CSMD3: variants seen among roughly 807,000 people sequenced by gnomAD.
CSMD3 encodes the protein CUB and sushi domain-containing protein 3.
In CSMD3, 177 loss-of-function variants were observed where a neutral mutation model predicts 435.2. The observed-to-expected ratio is 0.41, with a 90% CI of 0.36 to 0.46. The LOEUF is 0.46. Among genes scored for constraint, CSMD3 ranks in the 20% least tolerant of loss-of-function variants. The pLI is 0.34. For synonymous variants in CSMD3, 1,656 were observed against 1,520.5 expected (o/e 1.09, Z -2.07); for missense variants, 4,265 against 4,504.6 (o/e 0.95, Z 1.52).
chr8:112,547,229 T>G (rs1023283394), intron 27 of CSMD3, among the ~76,000 whole-genome samples: 1 of 152,120 alleles, frequency 6.6e-6, no homozygotes, highest in South Asian at 2.1e-4. Flanking sequence ...TAAGTTTGGA[T>G]AGTAAATTAT....
At chr8:113,307,374 C>T (rs2093829822) in intron 2 of CSMD3, among the ~76,000 whole-genome samples, 1 of 152,112 alleles carries the variant, frequency 6.6e-6, no homozygotes, top group African/African-American at 2.4e-5. Flanking sequence ...TGAACTTAGA[C>T]TCCTTCACAT....
chr8:112,653,157 T>TGG (rs1427314621), intron 18 of CSMD3, among the ~76,000 whole-genome samples: 1 of 152,222 alleles, frequency 6.6e-6, no homozygotes, highest in Non-Finnish European at 1.5e-5. Context: ...TACATAATTT[T>TGG]CAGAAGTTCA....
intron 3 of CSMD3, among the ~76,000 whole-genome samples, chr8:113,215,729 T>C (rs116672718): frequency 6.6e-6 from 1 of 151,976 alleles, no homozygotes; most frequent in African/African-American, 2.4e-5. Flanking sequence ...TATATGCACT[T>C]TTCTCTTCTG....
In CSMD3 at chr8:112,712,959, T is replaced by C. The variant is rs1362726885; in HGVS notation, c.1973-22909A>G. Among the ~76,000 whole-genome samples, 8 of 152,246 alleles carry C rather than the reference T, an allele frequency of 5.3e-5. No homozygotes were observed. The South Asian group carries it at 8.3e-4, about 16-fold the overall frequency. On this transcript the variant is annotated intron_variant, in intron 13 of 70. Coordinates refer to ENST00000297405, the MANE Select transcript of CSMD3 (RefSeq NM_198123.2). ...TAGATTCTAAGGGGCAGGGCCAAGA[T>C]GGCTTACTAGAAGAAGCAGCGATTG...
intron 1 of CSMD3, among the ~76,000 whole-genome samples, chr8:113,402,711 G>T (rs960027492): frequency 2.6e-5 from 4 of 151,136 alleles, no homozygotes; most frequent in African/African-American, 9.7e-5. Flanking sequence ...ACTCTGAAAA[G>T]CTTTGACATC....
intron 3 of CSMD3, among the ~76,000 whole-genome samples, chr8:113,207,385 CTT>C (rs72308827): frequency 3.7e-4 from 51 of 139,288 alleles, no homozygotes; most frequent in East Asian, 8.3e-4. Flanking sequence ...AATTATTTTT[CTT>C]TTTTTTTTTT....
chr8:112,983,723 A>G (rs1345587148), intron 6 of CSMD3, among the ~76,000 whole-genome samples: 1 of 151,748 alleles, frequency 6.6e-6, no homozygotes, highest in African/African-American at 2.4e-5. Context: ...ATTTATCATA[A>G]GTTGATATCT....
At chr8:112,492,151 C>T (rs537884607) in intron 31 of CSMD3, among the ~76,000 whole-genome samples, 1 of 151,822 alleles carries the variant, frequency 6.6e-6, no homozygotes, top group East Asian at 1.9e-4. Flanking sequence ...GTGTTTGTTC[C>T]TCATGTACTC....
chr8:112,337,955 G>T (rs1334582534), intron 42 of CSMD3, among the ~76,000 whole-genome samples: 3 of 152,004 alleles, frequency 2.0e-5, no homozygotes, highest in African/African-American at 7.2e-5. Context: ...TAATAAAAAC[G>T]CATGCTTTCT....
chr8:112,414,741 T>C (rs1048572500), intron 32 of CSMD3, among the ~76,000 whole-genome samples: 8 of 152,120 alleles, frequency 5.3e-5, no homozygotes, highest in Non-Finnish European at 2.9e-5. Context: ...TTGACCAAAA[T>C]GCTGATAGTG....
At chr8:113,290,714 T>C (rs1234468354) in intron 2 of CSMD3, among the ~76,000 whole-genome samples, 1 of 151,690 alleles carries the variant, frequency 6.6e-6, no homozygotes, top group Non-Finnish European at 1.5e-5. Context: ...GTACATGTGG[T>C]CATTTACCTA....
intron 2 of CSMD3, chr8:113,309,866 T>G (rs1340872353): frequency 6.6e-6 from 1 of 152,240 alleles, no homozygotes; most frequent in Non-Finnish European, 1.5e-5. Flanking sequence ...TAGAATACTG[T>G]TGACCAAGGG....
chr8:113,175,933 A>G (rs2092340540), intron 3 of CSMD3, among the ~76,000 whole-genome samples: 1 of 152,170 alleles, frequency 6.6e-6, no homozygotes, highest in African/African-American at 2.4e-5. Context: ...ATAAAATGAA[A>G]GAGAAGAAAG....
intron 49 of CSMD3, among the ~76,000 whole-genome samples, chr8:112,312,788 T>C (rs554806262): frequency 1.3e-5 from 2 of 152,290 alleles, no homozygotes; most frequent in African/African-American, 2.4e-5. Flanking sequence ...TTATATGTAG[T>C]TGTAAATTTG....
chr8:113,204,047 T>G (rs1182100996), intron 3 of CSMD3, among the ~76,000 whole-genome samples: 1 of 152,142 alleles, frequency 6.6e-6, no homozygotes, highest in Non-Finnish European at 1.5e-5. Flanking sequence ...TTTTTTCACT[T>G]GCATAATTTT....
At chr8:112,766,767 G>A (rs943232239) in intron 13 of CSMD3, among the ~76,000 whole-genome samples, 1 of 151,830 alleles carries the variant, frequency 6.6e-6, no homozygotes, top group Non-Finnish European at 1.5e-5. Flanking sequence ...AGAAGCAGCA[G>A]CAGAGAAACA....
intron 4 of CSMD3, among the ~76,000 whole-genome samples, chr8:113,101,846 T>C (rs1340151594): frequency 1.3e-5 from 2 of 152,072 alleles, no homozygotes; most frequent in Non-Finnish European, 2.9e-5. Flanking sequence ...TAAACTTTTC[T>C]TCAGTAAATG....
intron 58 of CSMD3, 26 bp downstream of exon 58, chr8:112,287,036 AAT>A (rs761758026): frequency 7.0e-6 from 11 of 1,580,940 alleles, no homozygotes; most frequent in Non-Finnish European, 9.6e-6. Flanking sequence ...CAGTAGTTGC[AAT>A]ATATTTAATT....
chr8:112,313,113 C>T (rs549708402), intron 49 of CSMD3, among the ~76,000 whole-genome samples: 4 of 152,220 alleles, frequency 2.6e-5, no homozygotes, highest in South Asian at 4.1e-4. Context: ...GGAACATAAC[C>T]TTCACATAAT....
Sources: allele counts gnomAD v4.1 joint callset (sites outside exome capture counted in the v4.1 genomes callset), GRCh38; gene constraint gnomAD v4.1.1; transcripts MANE v1.5; gene names NCBI Gene and HGNC (gene_info 2026-07-23, HGNC 2026-07-21).